The following ZNF680 variants were observed in gnomAD, a reference collection of about 807,000 sequenced individuals.
The protein encoded by ZNF680 is zinc finger protein 680, also known as hypothetical protein FLJ90430.
Under a neutral mutation model 12.1 loss-of-function variants are expected in ZNF680, and 6 were observed. The ratio of observed to expected loss-of-function variants is 0.49; its 90% CI spans 0.27 to 0.98. The LOEUF (loss-of-function observed/expected upper bound fraction) is 0.98. ZNF680 is among the 50% of genes least tolerant of loss of function. The pLI is 0.12. For missense variants in ZNF680, 561 were observed against 616.3 expected, an observed-to-expected ratio of 0.91 and a Z score of 0.95; for synonymous variants, 170 against 199.3, an observed-to-expected ratio of 0.85 and a Z score of 1.24.
the ZNF680 span, among the ~76,000 whole-genome samples, chr7:64,500,152 AC>A: frequency 6.6e-6 from 1 of 152,136 alleles, no homozygotes; most frequent in Non-Finnish European, 1.5e-5. Flanking sequence ...CTGTCAAGCC[AC>A]CCTTCGTGTT....
chr7:64,561,878 T>C (rs1242361817), intron 1 of ZNF680, among the ~76,000 whole-genome samples: 1 of 142,810 alleles, frequency 7.0e-6, no homozygotes, highest in Non-Finnish European at 1.5e-5. Flanking sequence ...GAGCTTGCAG[T>C]GAGCCGAGAT....
chr7:64,539,130 C>CAAAAAAAAAAAAAAAAAAA (rs529165573), intron 3 of ZNF680, among the ~76,000 whole-genome samples: 1 of 77,702 alleles, frequency 1.3e-5, no homozygotes, highest in Non-Finnish European at 2.4e-5. Context: ...GACTCCATCT[C>CAAAAAAAAAAAAAAAAAAA]AAAAAAAAAA....
chr7:64,543,741 A>G lies in ZNF680; in HGVS notation c.219T>C (p.Asn73=). Residue 73 remains asparagine, a synonymous_variant, in exon 3 of 4, where the codon AAT becomes AAC. Coordinates refer to ENST00000309683, the MANE Select transcript of ZNF680 (RefSeq NM_178558.5). ...TCLEQGKEPW[N]RKRQEMVAKP... is the part of the protein sequence containing the mutation. ...TGGCTACCATCTCCTGTCTCTTCCT[A>G]TTCCAGGGCTCTTTTCCTTGCTCCA... The G allele has an allele frequency of 6.2e-7, 1 of 1,613,634 alleles. No homozygotes were observed. The highest frequency in any genetic ancestry group is 8.5e-7 in the Non-Finnish European group (1 of 1,179,782).
At chr7:64,504,391 C>T in the ZNF680 span, among the ~76,000 whole-genome samples, 2 of 152,054 alleles carry the variant, frequency 1.3e-5, no homozygotes, top group Non-Finnish European at 1.5e-5. Context: ...TTCTATTTTT[C>T]CCTAAATTTA....
chr7:64,559,710 C>G (rs984886200), intron 1 of ZNF680, among the ~76,000 whole-genome samples: 4 of 152,006 alleles, frequency 2.6e-5, no homozygotes, highest in Non-Finnish European at 4.4e-5. Flanking sequence ...TCAAACTCCT[C>G]ACCTCAAGTG....
the ZNF680 span, among the ~76,000 whole-genome samples, chr7:64,505,206 T>C: frequency 0.23 from 34,341 of 152,158 alleles, 4,070 homozygotes; most frequent in South Asian, 0.28. Context: ...ATTGAAAAAA[T>C]GTGGTTTTGA....
At chr7:64,515,878 TGGTCCCAGGCCAA>T (rs1052515225), downstream of ZNF680, among the ~76,000 whole-genome samples, 18 of 152,274 alleles carry the variant, frequency 1.2e-4, no homozygotes, top group South Asian at 3.1e-3. Flanking sequence ...AGACCCTAAT[TGGTCCCAGGCCAA>T]GGTCCCAGGC....
intron 3 of ZNF680, among the ~76,000 whole-genome samples, chr7:64,536,175 AC>A (rs1562753659): frequency 1.3e-5 from 2 of 152,162 alleles, no homozygotes; most frequent in African/African-American, 4.8e-5. Context: ...AGATATCAAG[AC>A]CCCATTTTCA....
At chr7:64,555,690 AT>A (rs1277512188) in intron 1 of ZNF680, among the ~76,000 whole-genome samples, 5 of 150,234 alleles carry the variant, frequency 3.3e-5, no homozygotes, top group African/African-American at 9.8e-5. Context: ...CAGAAAAAAA[AT>A]ACGAGACCAA....
intron 1 of ZNF680, among the ~76,000 whole-genome samples, chr7:64,554,854 A>AG (rs1787319579): frequency 6.6e-6 from 1 of 152,176 alleles, no homozygotes; most frequent in Admixed American, 6.5e-5. Context: ...ACACTGCGGA[A>AG]GGCAGCGGGG....
intron 3 of ZNF680, among the ~76,000 whole-genome samples, chr7:64,524,030 A>G (rs1791694819): frequency 1.3e-5 from 2 of 149,178 alleles, no homozygotes; most frequent in South Asian, 4.4e-4. Flanking sequence ...TTTCATGTAA[A>G]TATTAATCAA....
chr7:64,549,803 A>C (rs769626668), intron 1 of ZNF680, among the ~76,000 whole-genome samples: 1 of 152,136 alleles, frequency 6.6e-6, no homozygotes, highest in Non-Finnish European at 1.5e-5. Flanking sequence ...CAACATAGTG[A>C]AACCCCATGT....
chr7:64,501,706 G>A, the ZNF680 span: 5 of 1,054,870 alleles, frequency 4.7e-6, no homozygotes, highest in East Asian at 2.5e-5. Flanking sequence ...CAGAGACAGC[G>A]CCAATGGCAA....
At chr7:64,507,222 G>A in the ZNF680 span, among the ~76,000 whole-genome samples, 1 of 152,140 alleles carries the variant, frequency 6.6e-6, no homozygotes, top group Non-Finnish European at 1.5e-5. Context: ...TCGTGTATAT[G>A]TAGAATTTAA....
the ZNF680 span, among the ~76,000 whole-genome samples, chr7:64,506,019 C>G: frequency 3.9e-5 from 6 of 152,134 alleles, no homozygotes; most frequent in East Asian, 1.2e-3. Flanking sequence ...TTGATGGCCA[C>G]AAAGGCAACA....
chr7:64,543,883 T>C (rs1786639304), intron 2 of ZNF680, 81 bp from the exon 3 acceptor site: 1 of 1,160,314 alleles, frequency 8.6e-7, no homozygotes, highest in African/African-American at 1.5e-5. Context: ...GTAAAGAGAA[T>C]GTCATAGCAT....
At chr7:64,540,231 T>C (rs1786425252) in intron 3 of ZNF680, among the ~76,000 whole-genome samples, 1 of 151,236 alleles carries the variant, frequency 6.6e-6, no homozygotes, top group African/African-American at 2.4e-5. Context: ...ATAACCAAAA[T>C]GGAGGTCATA....
intron 1 of ZNF680, among the ~76,000 whole-genome samples, chr7:64,554,442 G>A (rs1030498804): frequency 2.0e-4 from 31 of 152,062 alleles, no homozygotes; most frequent in African/African-American, 7.0e-4. Context: ...CCGCTGCCCC[G>A]TCTGGGAGGT....
Position 64,555,861 on chromosome 7 carries a change from T to A in ZNF680, c.30+7064A>T, listed in dbSNP as rs561681228. On this transcript the variant is annotated intron_variant, in intron 1 of 3. Transcript: ENST00000309683. Reference sequence around the variant, plus strand: ...ACAGAAATACAAATAACTATTGAAGTCTACTATGAACACTTCTATGCACAT... The same window carrying A: ...ACAGAAATACAAATAACTATTGAAGACTACTATGAACACTTCTATGCACAT... 7.9e-4 allele frequency among the ~76,000 whole-genome samples: 120 copies of A among 151,858 alleles called. 1 individual carries two copies. The highest frequency in any genetic ancestry group is 2.8e-3 in the African/African-American group (118 of 41,482).
Sources: gnomAD v4.1 joint callset for allele counts (sites outside exome capture counted in the v4.1 genomes callset) on GRCh38, gnomAD v4.1.1 for gene constraint, MANE v1.5 for transcripts, NCBI Gene and HGNC (gene_info 2026-07-23, HGNC 2026-07-21) for gene names.